SLC35F4: variants seen among roughly 807,000 people sequenced by gnomAD.
SLC35F4 encodes chromosome 14 open reading frame 36.
A neutral mutation model predicts 44.2 loss-of-function variants in SLC35F4; 24 were observed. That is an observed-to-expected ratio of 0.54 (90% confidence interval 0.39 to 0.76). SLC35F4 has a LOEUF of 0.76. Ranked by LOEUF, SLC35F4 falls within the 30% of genes least tolerant of loss-of-function variation. SLC35F4 has a pLI of 0.00. For synonymous variants in SLC35F4, 238 were observed against 223.6 expected (o/e 1.06, Z -0.57); for missense variants, 562 against 586.1 (o/e 0.96, Z 0.42).
In SLC35F4 at chr14:57,981,143, C is replaced by T. The variant is rs1221157067; in HGVS notation, n.151+770G>A. Among the ~76,000 whole-genome samples, 3 of 152,186 alleles carry T rather than the reference C, an allele frequency of 2.0e-5. No individual in the cohort carries two copies. In the South Asian group the frequency reaches 6.2e-4, roughly 32 times the overall value. ...CGGGCACTTGGGAACACCAGCGACA[C>T]CTTGTAGCAGCAAAAATGTCGCTGG... On this transcript the variant is annotated intron_variant and non_coding_transcript_variant, in intron 1 of 1. Coordinates refer to the SLC35F4 transcript ENST00000554648.
chr14:57,588,296 C>T (rs1002259150), intron 3 of SLC35F4, among the ~76,000 whole-genome samples: 2 of 152,114 alleles, frequency 1.3e-5, no homozygotes, highest in African/African-American at 2.4e-5. Flanking sequence ...ATTTATTCTG[C>T]TGAGGAATAG....
chr14:57,836,932 T>C (rs1884992234), intron 1 of SLC35F4, among the ~76,000 whole-genome samples: 2 of 152,206 alleles, frequency 1.3e-5, no homozygotes, highest in South Asian at 4.1e-4. Context: ...ACATTAAAAT[T>C]TTACATCACT....
chr14:57,664,780 A>G (rs759101558), intron 1 of SLC35F4, among the ~76,000 whole-genome samples: 2 of 152,184 alleles, frequency 1.3e-5, no homozygotes, highest in Non-Finnish European at 2.9e-5. Context: ...GTGGCAATAA[A>G]TGTATCAACT....
intron 3 of SLC35F4, among the ~76,000 whole-genome samples, chr14:57,582,614 G>T (rs898581288): frequency 2.6e-5 from 4 of 152,114 alleles, no homozygotes; most frequent in African/African-American, 9.7e-5. Context: ...ACTTACCACT[G>T]GGAGAATTTT....
At chr14:57,971,401 A>G (rs894103309) in intron 1 of SLC35F4, among the ~76,000 whole-genome samples, 1 of 152,198 alleles carries the variant, frequency 6.6e-6, no homozygotes, top group Non-Finnish European at 1.5e-5. Flanking sequence ...CTTTGAGTAC[A>G]TTACTCCATG....
intron 1 of SLC35F4, among the ~76,000 whole-genome samples, chr14:57,756,644 A>T (rs1230385581): frequency 6.6e-6 from 1 of 151,698 alleles, no homozygotes; most frequent in African/African-American, 2.4e-5. Context: ...CTGACTTTTT[A>T]TCTACTTGTT....
At chr14:57,769,899 G>A (rs1183978856) in intron 1 of SLC35F4, among the ~76,000 whole-genome samples, 1 of 152,114 alleles carries the variant, frequency 6.6e-6, no homozygotes, top group Non-Finnish European at 1.5e-5. Context: ...CTGAGGGTGA[G>A]CATTTTTTGA....
chr14:57,876,174 A>C (rs1205185052), intron 1 of SLC35F4, among the ~76,000 whole-genome samples: 1 of 152,210 alleles, frequency 6.6e-6, no homozygotes, highest in Non-Finnish European at 1.5e-5. Flanking sequence ...ATGTTGGTAC[A>C]ATCAGACATA....
At chr14:57,607,311 G>A (rs919599932) in intron 1 of SLC35F4, among the ~76,000 whole-genome samples, 4 of 152,186 alleles carry the variant, frequency 2.6e-5, no homozygotes, top group African/African-American at 9.6e-5. Flanking sequence ...TCACCCAGGG[G>A]AGGAGTACCA....
At position 57,783,250 on chromosome 14, in the gene SLC35F4, AG is replaced by A. The variant is rs1471876422; in HGVS notation, c.103+82472del. Among the ~76,000 whole-genome samples the A allele has an allele frequency of 6.1e-5, 9 of 147,720 alleles. 1 individual carries two copies. The East Asian group carries it at 1.5e-3, about 25-fold the overall frequency. ...AAGCTGGAGGATTTAATGTCAGCAAAGGATGGTTTAACAATTTTTTAAAATA... is the reference window on the plus strand; with the variant it reads ...AAGCTGGAGGATTTAATGTCAGCAAAGATGGTTTAACAATTTTTTAAAATA... On this transcript the variant is annotated intron_variant, in intron 1 of 7. Transcript: ENST00000556826.
chr14:57,780,235 G>T (rs959922570), intron 1 of SLC35F4, among the ~76,000 whole-genome samples: 6 of 152,232 alleles, frequency 3.9e-5, no homozygotes, highest in Admixed American at 3.9e-4. Context: ...CTTCAGCAAA[G>T]TTTCAGGATA....
intron 1 of SLC35F4, among the ~76,000 whole-genome samples, chr14:57,750,568 A>G (rs12895225): frequency 0.12 from 18,083 of 152,228 alleles, 1,323 homozygotes; most frequent in South Asian, 0.19. Flanking sequence ...AGTAATAGCC[A>G]TTCTAACTGG....
At chr14:57,882,542 G>A (rs748432921) in intron 1 of SLC35F4, among the ~76,000 whole-genome samples, 67 of 152,070 alleles carry the variant, frequency 4.4e-4, no homozygotes, top group Admixed American at 1.0e-3. Context: ...AGGCAGAGAG[G>A]CCATCTTCCC....
intron 1 of SLC35F4, among the ~76,000 whole-genome samples, chr14:57,794,091 C>T (rs924461286): frequency 1.3e-5 from 2 of 151,334 alleles, no homozygotes; most frequent in African/African-American, 4.8e-5. Flanking sequence ...TTTAAAACCC[C>T]AAGCCATAAA....
At chr14:57,775,961 G>A (rs950259242) in intron 1 of SLC35F4, among the ~76,000 whole-genome samples, 27 of 152,178 alleles carry the variant, frequency 1.8e-4, no homozygotes, top group Admixed American at 1.8e-3. Flanking sequence ...GAATGTAACT[G>A]ACCTGACAGA....
intron 1 of SLC35F4, chr14:57,837,343 G>T (rs1012793666): frequency 1.3e-5 from 2 of 152,164 alleles, no homozygotes; most frequent in Non-Finnish European, 2.9e-5. Flanking sequence ...CAGAAGGGAG[G>T]TATGATGGAG....
At chr14:57,734,079 C>T (rs2076409403) in intron 1 of SLC35F4, among the ~76,000 whole-genome samples, 1 of 152,114 alleles carries the variant, frequency 6.6e-6, no homozygotes, top group Non-Finnish European at 1.5e-5. Context: ...ATAAGAATCA[C>T]TAAAATTGGG....
At chr14:57,915,164 C>T (rs7141018) in intron 1 of SLC35F4, among the ~76,000 whole-genome samples, 3,546 of 152,216 alleles carry the variant, frequency 0.023, 126 homozygotes, top group African/African-American at 0.076. Context: ...GAGCACTGCA[C>T]CAGAAAGTGG....
chr14:57,794,947 A>G (rs976801150), intron 1 of SLC35F4, among the ~76,000 whole-genome samples: 2 of 152,162 alleles, frequency 1.3e-5, no homozygotes, highest in African/African-American at 4.8e-5. Flanking sequence ...GGAATTCAGA[A>G]GATGGGTTTT....
Sources: allele counts gnomAD v4.1 joint callset (sites outside exome capture counted in the v4.1 genomes callset), GRCh38; gene constraint gnomAD v4.1.1; transcripts MANE v1.5; gene names NCBI Gene and HGNC (gene_info 2026-07-23, HGNC 2026-07-21).